Variants in ACVR2A observed in about 807,000 individuals in gnomAD.
The protein encoded by ACVR2A is activin A receptor type 2A.
In ACVR2A, 7 loss-of-function variants were observed where a neutral mutation model predicts 61.4. The observed-to-expected ratio is 0.11, with a 90% CI of 0.06 to 0.21. The LOEUF (loss-of-function observed/expected upper bound fraction) is 0.21. ACVR2A is among the 10% of genes least tolerant of loss of function. ACVR2A has a pLI of 1.00. For missense variants in ACVR2A, 322 were observed against 621.7 expected (o/e 0.52, Z 5.13); for synonymous variants, 193 against 208.3 (o/e 0.93, Z 0.63).
At chr2:147,851,410 G>A (rs1685447179) in intron 1 of ACVR2A, among the ~76,000 whole-genome samples, 1 of 152,076 alleles carries the variant, frequency 6.6e-6, no homozygotes, top group African/African-American at 2.4e-5. Flanking sequence ...GATATTAATA[G>A]TGCCTACCTC....
Position 147,930,343 on chromosome 2 carries a change from A to G in ACVR2A, c.*3069A>G, listed in dbSNP as rs1416535159. 1 of 139,836 alleles carries G rather than the reference A, an allele frequency of 7.2e-6. No individual in the cohort carries two copies. The highest frequency in any genetic ancestry group is 1.5e-5 in the Non-Finnish European group (1 of 65,652). 8.7% of individuals were successfully genotyped at this position (139,836 alleles called of 1,614,324 possible). A position where few individuals can be genotyped will look rare whatever the true frequency, so the allele number is the denominator to read the frequency against. On this transcript the variant is annotated 3_prime_UTR_variant, in exon 11 of 11. Coordinates refer to ENST00000241416, the MANE Select transcript of ACVR2A (RefSeq NM_001616.5). ...GGTGGTTTAGTGGAATAAACTGATT[A>G]CTGGTTTTTTTGTTTTTTTTTTTTT...
At chr2:147,920,401 G>A (rs1199399756) in intron 8 of ACVR2A, 57 bp downstream of exon 8, 1 of 1,335,772 alleles carries the variant, frequency 7.5e-7, no homozygotes, top group African/African-American at 1.5e-5. Flanking sequence ...TATTTTCTTA[G>A]AATGGCATGT....
At chr2:147,889,736 G>C (rs1328234008) in intron 1 of ACVR2A, among the ~76,000 whole-genome samples, 1 of 151,806 alleles carries the variant, frequency 6.6e-6, no homozygotes, top group Non-Finnish European at 1.5e-5. Flanking sequence ...GACAGAGTGA[G>C]ACTCCGTCTC....
chr2:147,863,449 C>A (rs1685775694), intron 1 of ACVR2A, among the ~76,000 whole-genome samples: 1 of 152,126 alleles, frequency 6.6e-6, no homozygotes. Context: ...TTTGACTCCA[C>A]CAGAAGTTAA....
intron 1 of ACVR2A, among the ~76,000 whole-genome samples, chr2:147,856,331 A>G (rs1685572887): frequency 6.6e-6 from 1 of 152,184 alleles, no homozygotes; most frequent in Admixed American, 6.5e-5. Flanking sequence ...TAAAAAATAT[A>G]ATGGTGCCTG....
chr2:147,856,767 T>C (rs1685590829), intron 1 of ACVR2A, among the ~76,000 whole-genome samples: 1 of 152,292 alleles, frequency 6.6e-6, no homozygotes, highest in African/African-American at 2.4e-5. Flanking sequence ...TAAAACACCT[T>C]TCTGAATGGC....
rs5835176 is a variant in ACVR2A at position 147,930,355 on chromosome 2, G to GTTTTTTTTTTTTTTTTTTT, written c.*3098_*3099insTTTTTTTTTTTTTTTTTTT. 1 of 132,288 alleles carries GTTTTTTTTTTTTTTTTTTT rather than the reference G, an allele frequency of 7.6e-6. No individual in the cohort carries two copies. The highest frequency in any genetic ancestry group is 1.7e-5 in the Non-Finnish European group (1 of 60,246). 8.2% of individuals were successfully genotyped at this position (132,288 alleles called of 1,614,324 possible). A position where few individuals can be genotyped will look rare whatever the true frequency, so the allele number is the denominator to read the frequency against. On this transcript the variant is annotated 3_prime_UTR_variant, in exon 11 of 11. Coordinates refer to ENST00000241416, the MANE Select transcript of ACVR2A (RefSeq NM_001616.5). ...GAATAAACTGATTACTGGTTTTTTT[G>GTTTTTTTTTTTTTTTTTTT]TTTTTTTTTTTTTTTTTAAAGAAAG...
At chr2:147,884,344 G>C (rs905646814) in intron 1 of ACVR2A, among the ~76,000 whole-genome samples, 2 of 152,110 alleles carry the variant, frequency 1.3e-5, no homozygotes, top group Admixed American at 6.6e-5. Flanking sequence ...TTATGAGTTA[G>C]GGCCAGAGAA....
intron 1 of ACVR2A, among the ~76,000 whole-genome samples, chr2:147,894,120 C>T (rs1028648246): frequency 2.0e-5 from 3 of 152,000 alleles, no homozygotes; most frequent in Non-Finnish European, 2.9e-5. Context: ...GTGGTTGCTA[C>T]GACTATCGTT....
intron 1 of ACVR2A, among the ~76,000 whole-genome samples, chr2:147,848,293 T>A (rs974573988): frequency 6.6e-6 from 1 of 152,290 alleles, no homozygotes; most frequent in South Asian, 2.1e-4. Flanking sequence ...CCTCCATTCA[T>A]TTTCTATTTT....
chr2:147,880,949 C>T (rs991353396), intron 1 of ACVR2A, among the ~76,000 whole-genome samples: 2 of 152,120 alleles, frequency 1.3e-5, no homozygotes, highest in Admixed American at 6.6e-5. Flanking sequence ...AAACACTGGG[C>T]TCCTATTTTT....
intron 1 of ACVR2A, among the ~76,000 whole-genome samples, chr2:147,876,090 A>G (rs1686147500): frequency 6.6e-6 from 1 of 152,158 alleles, no homozygotes; most frequent in Non-Finnish European, 1.5e-5. Flanking sequence ...GATACTGAGT[A>G]CTGTGCTCTT....
In ACVR2A at chr2:147,845,098, A is replaced by G; in HGVS notation, c.-55A>G. 5.5e-6 allele frequency: 8 copies of G among 1,446,712 alleles called. No homozygotes were observed. The highest frequency in any genetic ancestry group is 1.1e-5 in the South Asian group (1 of 88,406). The allele number at this position is 1,446,712 out of a possible 1,614,324, so 89.6% of individuals were successfully genotyped here. Reference sequence around the variant, plus strand: ...GGAGGTTTGTCTCCGAGGAAGACCCAGGGAACTGGATATCTAGCGAGAACT... The same window carrying G: ...GGAGGTTTGTCTCCGAGGAAGACCCGGGGAACTGGATATCTAGCGAGAACT... On this transcript the variant is annotated 5_prime_UTR_variant, in exon 1 of 11. Transcript: ENST00000241416.
At chr2:147,878,673 C>T (rs1686218878) in intron 1 of ACVR2A, among the ~76,000 whole-genome samples, 1 of 151,960 alleles carries the variant, frequency 6.6e-6, no homozygotes, top group South Asian at 2.1e-4. Context: ...CTTCAGGAGG[C>T]CGAGGTTGGT....
intron 1 of ACVR2A, among the ~76,000 whole-genome samples, chr2:147,882,504 A>G (rs1686329538): frequency 6.6e-6 from 1 of 152,198 alleles, no homozygotes; most frequent in East Asian, 1.9e-4. Context: ...TGAGCCGCTA[A>G]GATTGGGCCA....
At chr2:147,867,419 C>T (rs908024728) in intron 1 of ACVR2A, among the ~76,000 whole-genome samples, 1 of 152,124 alleles carries the variant, frequency 6.6e-6, no homozygotes, top group Admixed American at 6.5e-5. Context: ...TCAACGTGTT[C>T]TTCATAATGT....
chr2:147,897,839 G>A (rs1434090545), intron 2 of ACVR2A, among the ~76,000 whole-genome samples: 4 of 152,074 alleles, frequency 2.6e-5, no homozygotes, highest in Non-Finnish European at 5.9e-5. Flanking sequence ...ATATATTTTA[G>A]CTGCATTTCT....
chr2:147,906,342 T>C (rs1686988289), intron 4 of ACVR2A, among the ~76,000 whole-genome samples: 2 of 152,116 alleles, frequency 1.3e-5, no homozygotes, highest in African/African-American at 4.8e-5. Context: ...CCATGCTGTG[T>C]GTATGGTAAA....
upstream of ACVR2A, chr2:147,844,855 G>A: frequency 3.1e-6 from 1 of 324,506 alleles, no homozygotes; most frequent in East Asian, 5.7e-5. Flanking sequence ...TTTTGACAGT[G>A]ATTTAAACCC....
Sources: allele counts gnomAD v4.1 joint callset (sites outside exome capture counted in the v4.1 genomes callset), GRCh38; gene constraint gnomAD v4.1.1; transcripts MANE v1.5; gene names NCBI Gene and HGNC (gene_info 2026-07-23, HGNC 2026-07-21).